CCDC43: variants seen among roughly 807,000 people sequenced by gnomAD.
The protein encoded by CCDC43 is coiled-coil domain-containing protein 43.
A neutral mutation model predicts 33.3 loss-of-function variants in CCDC43; 20 were observed. The ratio of observed to expected loss-of-function variants is 0.60; its 90% CI spans 0.42 to 0.87. The LOEUF (loss-of-function observed/expected upper bound fraction) is 0.87, where lower values mean the gene tolerates loss of function less well. CCDC43 is among the 40% of genes least tolerant of loss of function. The pLI is 0.00. For missense variants in CCDC43, 248 were observed against 269.9 expected (o/e 0.92, Z 0.57); for synonymous variants, 104 against 106.5 (o/e 0.98, Z 0.14).
intron 4 of CCDC43, 121 bp from the exon 5 acceptor site, chr17:44,679,164 G>GT (rs200701087): frequency 4.8e-6 from 3 of 618,560 alleles, no homozygotes; most frequent in Admixed American, 3.9e-5. Context: ...TCTATTCCTG[G>GT]TTTTTTAAAA....
intron 3 of CCDC43, 24 bp downstream of exon 3, chr17:44,681,979 G>C (rs1972169687): frequency 6.2e-7 from 1 of 1,613,596 alleles, no homozygotes; most frequent in South Asian, 1.1e-5. Flanking sequence ...TTAGGGAATG[G>C]TGCCGAGACT....
intron 1 of CCDC43, among the ~76,000 whole-genome samples, chr17:44,687,134 ATT>A (rs1314104126): frequency 6.7e-6 from 1 of 148,954 alleles, no homozygotes; most frequent in Non-Finnish European, 1.5e-5. Flanking sequence ...ACAAAAAAAA[ATT>A]TTTTTTTTTT....
In CCDC43 at chr17:44,683,926, T is replaced by A. The variant is rs201785763; in HGVS notation, c.238A>T (p.Ile80Phe). The change falls in exon 2 of 5, where the codon ATT becomes TTT. Residue 80 changes from isoleucine (I) to phenylalanine (F), a missense_variant. Physicochemically the swap from Ile to Phe is conservative, Grantham distance 21. Transcript: ENST00000315286. ...EDSLLNICKEIVERWSETQNV... is the reference protein window; with the variant it reads ...EDSLLNICKEFVERWSETQNV... ...TGAGTTTCTGACCATCGTTCCACAA[T>A]CTCCTTGCAGATATTAAGGAGGGAA... 6.9e-5 allele frequency: 112 copies of A among 1,613,166 alleles called. No individual in the cohort carries two copies. Among genetic ancestry groups the A allele is most frequent in the Non-Finnish European group, 8.1e-5 (96 of 1,179,280 alleles).
At chr17:44,681,224 G>A (rs1346465706) in intron 3 of CCDC43, among the ~76,000 whole-genome samples, 1 of 152,122 alleles carries the variant, frequency 6.6e-6, no homozygotes, top group Non-Finnish European at 1.5e-5. Flanking sequence ...AGATCATGAG[G>A]TCAGGAGATC....
intron 1 of CCDC43, among the ~76,000 whole-genome samples, chr17:44,685,149 A>C (rs1420188762): frequency 6.6e-6 from 1 of 152,188 alleles, no homozygotes; most frequent in Non-Finnish European, 1.5e-5. Flanking sequence ...CCTTCTGTCT[A>C]ACTGCAATTT....
chr17:44,687,435 C>A (rs1972254724), intron 1 of CCDC43, among the ~76,000 whole-genome samples: 1 of 143,152 alleles, frequency 7.0e-6, no homozygotes, highest in Non-Finnish European at 1.5e-5. Context: ...GACTTTGTCT[C>A]AAAAAATAAA....
chr17:44,681,787 C>A, intron 3 of CCDC43: 1 of 555,134 alleles, frequency 1.8e-6, no homozygotes. Context: ...CCAAAGTTTT[C>A]AGGAATATAA....
chr17:44,685,207 A>G (rs984861168), intron 1 of CCDC43, among the ~76,000 whole-genome samples: 5 of 152,252 alleles, frequency 3.3e-5, no homozygotes, highest in African/African-American at 9.6e-5. Context: ...ACCTCCCCCA[A>G]TTCTTTTGGA....
At chr17:44,679,842 C>T (rs1007975665) in intron 4 of CCDC43, among the ~76,000 whole-genome samples, 2 of 151,064 alleles carry the variant, frequency 1.3e-5, no homozygotes, top group African/African-American at 4.9e-5. Flanking sequence ...TGCAGTGAGC[C>T]GAGATCGCAC....
intron 1 of CCDC43, among the ~76,000 whole-genome samples, chr17:44,685,384 A>G (rs1972219353): frequency 6.6e-6 from 1 of 152,188 alleles, no homozygotes. Flanking sequence ...CTCTTGTCCA[A>G]CCATCCCGCT....
chr17:44,684,021 A>C (rs1972199145), intron 1 of CCDC43, 62 bp from the exon 2 acceptor site: 4 of 1,053,990 alleles, frequency 3.8e-6, no homozygotes, highest in South Asian at 2.6e-5. Flanking sequence ...TAGTAACCTC[A>C]AAAAAGCCTA....
At chr17:44,686,193 G>A (rs1210102151) in intron 1 of CCDC43, among the ~76,000 whole-genome samples, 1 of 152,238 alleles carries the variant, frequency 6.6e-6, no homozygotes, top group South Asian at 2.1e-4. Flanking sequence ...GATTACAGGC[G>A]TTAGCCACCG....
At chr17:44,679,082 G>T in intron 4 of CCDC43, 39 bp from the exon 5 acceptor site, 1 of 1,521,826 alleles carries the variant, frequency 6.6e-7, no homozygotes, top group Non-Finnish European at 9.0e-7. Context: ...AGGTCACACA[G>T]ATCACACCTA....
chr17:44,678,976 C>T lies in CCDC43; in HGVS notation c.555G>A (p.Arg185=). The change falls in exon 5 of 5, where the codon CGG becomes CGA. Residue 185 remains arginine, a synonymous_variant. Coordinates refer to ENST00000315286, the MANE Select transcript of CCDC43 (RefSeq NM_144609.3). The stretch of plus-strand genomic sequence containing the variant: ...GTTCCTTCTTCCTTTGGGATTCATC[C>T]CGAAGTGAGTCTCGCTCCAGTTTTC... ...NARKLERDSL[R]DESQRKKEQD... The T allele has an allele frequency of 6.2e-7, 1 of 1,613,764 alleles. No homozygotes were observed. Among genetic ancestry groups the T allele is most frequent in the Non-Finnish European group, 8.5e-7 (1 of 1,179,866 alleles).
rs1034407361 is a variant in CCDC43, at chr17:44,678,136, T to G, written c.*720A>C. ...TTATGGAAAAATCAGGATTAAAATC[T>G]CTACCAGCACACAAGAGGATACATG... is the stretch of plus-strand genomic sequence containing the variant. On this transcript the variant is annotated 3_prime_UTR_variant, in exon 5 of 5. Transcript: ENST00000315286. The G allele has an allele frequency of 2.6e-5, 4 of 152,626 alleles. No homozygotes were observed. Among genetic ancestry groups the G allele is most frequent in the African/African-American group, 9.7e-5 (4 of 41,444 alleles). The allele number at this position is 152,626 out of a possible 1,614,324, so 9.5% of individuals were successfully genotyped here. A position where few individuals can be genotyped will look rare whatever the true frequency, so the allele number is the denominator to read the frequency against.
At chr17:44,685,216 G>A (rs1294521560) in intron 1 of CCDC43, among the ~76,000 whole-genome samples, 2 of 151,962 alleles carry the variant, frequency 1.3e-5, no homozygotes, top group Admixed American at 1.3e-4. Flanking sequence ...AATTCTTTTG[G>A]AGCAAAAACC....
chr17:44,689,579 C>T lies in CCDC43; in HGVS notation c.175G>A (p.Ala59Thr), dbSNP rs1158336435. 2 of 1,613,892 alleles carry T rather than the reference C, an allele frequency of 1.2e-6. No homozygotes were observed. Among genetic ancestry groups the T allele is most frequent in the Non-Finnish European group, 1.7e-6 (2 of 1,179,896 alleles). Residue 59 changes from alanine (A) to threonine (T), a missense_variant, in exon 1 of 5, where the codon GCT becomes ACT. Coordinates refer to ENST00000315286, the MANE Select transcript of CCDC43 (RefSeq NM_144609.3). Reference sequence around the variant, plus strand: ...AAAGCAGAGAGGATCCCCTGCAGAGCGTCCAGCTTCTCTTCTTCCTCCTCC... The same window carrying T: ...AAAGCAGAGAGGATCCCCTGCAGAGTGTCCAGCTTCTCTTCTTCCTCCTCC... Reference protein sequence around the residue: ...QEEEEEEKLDALQGILSAFLE... With the variant: ...QEEEEEEKLDTLQGILSAFLE...
chr17:44,681,309 G>A (rs941509986), intron 3 of CCDC43, among the ~76,000 whole-genome samples: 2 of 152,072 alleles, frequency 1.3e-5, no homozygotes, highest in Admixed American at 6.6e-5. Flanking sequence ...GTGGTGGCAC[G>A]TGCCTATAGT....
In CCDC43 at chr17:44,689,676, C is replaced by T; in HGVS notation, c.78G>A (p.Leu26=). 1 of 1,611,816 alleles carries T rather than the reference C, an allele frequency of 6.2e-7. No homozygotes were observed. The highest frequency in any genetic ancestry group is 8.5e-7 in the Non-Finnish European group (1 of 1,179,128). Reference sequence around the variant, plus strand: ...CTCCCAGTGCCTCCAACCGTCCGTCCAGCCAGGAGCCAAAGCCGCCGCCTC... The same window carrying T: ...CTCCCAGTGCCTCCAACCGTCCGTCTAGCCAGGAGCCAAAGCCGCCGCCTC... ...DGGGGGFGSW[L]DGRLEALGVD... The change falls in exon 1 of 5, where the codon CTG becomes CTA. Residue 26 remains leucine (L), a synonymous_variant. Coordinates refer to ENST00000315286, the MANE Select transcript of CCDC43 (RefSeq NM_144609.3).
Sources: allele counts gnomAD v4.1 joint callset (sites outside exome capture counted in the v4.1 genomes callset), GRCh38; gene constraint gnomAD v4.1.1; transcripts MANE v1.5; gene names NCBI Gene and HGNC (gene_info 2026-07-23, HGNC 2026-07-21).